The following CDK12 variants were observed in gnomAD, a reference collection of about 807,000 sequenced individuals.
The protein encoded by CDK12 is cyclin-dependent kinase 12.
A neutral mutation model predicts 133.8 loss-of-function variants in CDK12; 17 were observed. The observed-to-expected ratio is 0.13, with a 90% confidence interval of 0.09 to 0.19. CDK12 has a LOEUF of 0.19. CDK12 is among the 10% of genes least tolerant of loss of function. The probability of loss-of-function intolerance (pLI) is 1.00; values close to 1 mark genes in which losing one functional copy is unlikely to be tolerated. For synonymous variants in CDK12, 694 were observed against 683.6 expected (o/e 1.02, Z -0.24); for missense variants, 1,508 against 1,818.7 (o/e 0.83, Z 3.11).
At chr17:39,505,360 A>G in intron 6 of CDK12, among the ~76,000 whole-genome samples, 1 of 151,858 alleles carries the variant, frequency 6.6e-6, no homozygotes, top group East Asian at 1.9e-4. Flanking sequence ...CCCCGTCTCT[A>G]CTAAAAATAT....
Position 39,497,685 on chromosome 17 carries a change from C to T in CDK12, c.2419+2991C>T, listed in dbSNP as rs1171536269. ...CAACGGTGGTCATAGCTCATTACAT[C>T]CTCAACCTCCAGGCTCAAGCAATCC... On this transcript the variant is annotated intron_variant, in intron 5 of 13. Coordinates refer to ENST00000447079, the MANE Select transcript of CDK12 (RefSeq NM_016507.4). Among the ~76,000 whole-genome samples the T allele has an allele frequency of 3.3e-5, 5 of 151,472 alleles. No homozygotes were observed. In the South Asian group the frequency reaches 6.3e-4, roughly 19 times the overall value.
intron 2 of CDK12, among the ~76,000 whole-genome samples, chr17:39,483,477 GGT>G (rs2050880857): frequency 6.6e-6 from 1 of 151,570 alleles, no homozygotes; most frequent in Non-Finnish European, 1.5e-5. Flanking sequence ...TGTTGTCCAG[GGT>G]AGTAGAACTC....
intron 3 of CDK12, among the ~76,000 whole-genome samples, chr17:39,558,444 C>T (rs549401038): frequency 2.0e-5 from 3 of 152,248 alleles, no homozygotes; most frequent in African/African-American, 7.2e-5. Context: ...AAGAGAACTC[C>T]ATTTATTGAT....
intron 6 of CDK12, among the ~76,000 whole-genome samples, chr17:39,501,957 G>T (rs925699467): frequency 6.6e-6 from 1 of 150,530 alleles, no homozygotes; most frequent in Non-Finnish European, 1.5e-5. Flanking sequence ...CGATTCTCCT[G>T]CCTCAGTGTC....
At chr17:39,561,185 CAG>C (rs2144587344) in intron 3 of CDK12, among the ~76,000 whole-genome samples, 1 of 152,306 alleles carries the variant, frequency 6.6e-6, no homozygotes, top group African/African-American at 2.4e-5. Context: ...GGATGCCTAT[CAG>C]AGGATGAGAT....
At chr17:39,543,760 C>A (rs1369259660), upstream of CDK12, among the ~76,000 whole-genome samples, 1 of 152,134 alleles carries the variant, frequency 6.6e-6, no homozygotes, top group Non-Finnish European at 1.5e-5. Context: ...TGCTGTCCTG[C>A]AAACCTCCTT....
In CDK12 at chr17:39,532,089, T is replaced by G. The variant is rs1293690636; in HGVS notation, c.*773T>G. ...TCTTTCCTTTTTTGCTGATGTGTGC[T>G]CTCTCTCTCTCTTTCTCTCTCTCTC... On this transcript the variant is annotated 3_prime_UTR_variant, in exon 14 of 14. Transcript: ENST00000447079. The G allele has an allele frequency of 9.3e-6, 2 of 216,016 alleles. No individual in the cohort carries two copies. Among genetic ancestry groups the G allele is most frequent in the Non-Finnish European group, 1.8e-5 (2 of 113,090 alleles). The allele number at this position is 216,016 out of a possible 1,614,324, so 13.4% of individuals were successfully genotyped here. A position where few individuals can be genotyped will look rare whatever the true frequency, so the allele number is the denominator to read the frequency against.
chr17:39,510,662 GGA>G (rs2053445034), intron 7 of CDK12, among the ~76,000 whole-genome samples: 2 of 150,888 alleles, frequency 1.3e-5, no homozygotes, highest in South Asian at 4.2e-4. Flanking sequence ...TGCCCAGGCT[GGA>G]GTGCAATGGC....
intron 2 of CDK12, among the ~76,000 whole-genome samples, chr17:39,476,417 A>T (rs903031036): frequency 2.7e-5 from 4 of 150,242 alleles, no homozygotes; most frequent in Non-Finnish European, 5.9e-5. Flanking sequence ...ACTATTTATT[A>T]TTTTATTTAT....
intron 1 of CDK12, among the ~76,000 whole-genome samples, chr17:39,468,946 A>G (rs1362623350): frequency 6.6e-6 from 1 of 152,078 alleles, no homozygotes; most frequent in East Asian, 1.9e-4. Flanking sequence ...CTCCTCCCTC[A>G]GCCTCCCAAG....
At chr17:39,491,902 G>A (rs867190114) in intron 3 of CDK12, among the ~76,000 whole-genome samples, 2 of 150,490 alleles carry the variant, frequency 1.3e-5, no homozygotes, top group African/African-American at 4.9e-5. Context: ...GCCAAGGCGG[G>A]TGGATCATGA....
chr17:39,543,890 C>G (rs903797531), upstream of CDK12: 4 of 172,380 alleles, frequency 2.3e-5, no homozygotes, highest in African/African-American at 9.4e-5. Context: ...CTCCCAGTCA[C>G]CTTCTTTTAT....
intron 3 of CDK12, among the ~76,000 whole-genome samples, chr17:39,558,770 C>T (rs531550406): frequency 1.3e-5 from 2 of 152,210 alleles, no homozygotes; most frequent in South Asian, 2.1e-4. Flanking sequence ...CAGCCTCCCA[C>T]GTAGCTGGGA....
intron 11 of CDK12, among the ~76,000 whole-genome samples, chr17:39,520,861 T>C (rs1053547313): frequency 6.6e-6 from 1 of 152,104 alleles, no homozygotes; most frequent in African/African-American, 2.4e-5. Context: ...TTGTTTTGTT[T>C]TTTGAGATGG....
At chr17:39,537,589 T>A (rs908071662), downstream of CDK12, among the ~76,000 whole-genome samples, 1 of 118,386 alleles carries the variant, frequency 8.4e-6, no homozygotes, top group Non-Finnish European at 1.8e-5. Context: ...TTATTTATTT[T>A]TGAGATGGAC....
chr17:39,482,167 C>T (rs2050767606), intron 2 of CDK12, among the ~76,000 whole-genome samples: 2 of 151,640 alleles, frequency 1.3e-5, no homozygotes, highest in South Asian at 4.2e-4. Context: ...CGTGTGCCAC[C>T]ACACCCTGCT....
At chr17:39,491,201 G>T (rs951277500) in intron 3 of CDK12, among the ~76,000 whole-genome samples, 2 of 151,946 alleles carry the variant, frequency 1.3e-5, no homozygotes, top group Non-Finnish European at 2.9e-5. Flanking sequence ...ATAAAAATAG[G>T]TATCATTTAT....
At chr17:39,562,743 T>C (rs2056417235) in intron 3 of CDK12, among the ~76,000 whole-genome samples, 1 of 152,166 alleles carries the variant, frequency 6.6e-6, no homozygotes, top group Non-Finnish European at 1.5e-5. Flanking sequence ...GAGGTACCCA[T>C]AAAAATCGAG....
At chr17:39,499,215 T>TC (rs2052519452) in intron 5 of CDK12, among the ~76,000 whole-genome samples, 1 of 104,832 alleles carries the variant, frequency 9.5e-6, no homozygotes, top group Non-Finnish European at 1.9e-5. Context: ...TTCCTTTTTT[T>TC]TTTTTTTTTG....
Sources: allele counts gnomAD v4.1 joint callset (sites outside exome capture counted in the v4.1 genomes callset), GRCh38; gene constraint gnomAD v4.1.1; transcripts MANE v1.5; gene names NCBI Gene and HGNC (gene_info 2026-07-23, HGNC 2026-07-21).